The following DACH1 variants were observed in gnomAD, a reference collection of about 807,000 sequenced individuals.
The protein encoded by DACH1 is dachshund homolog 1.
A neutral mutation model predicts 54.2 loss-of-function variants in DACH1; 12 were observed. That is an observed-to-expected ratio of 0.22 (90% CI 0.14 to 0.36). The LOEUF is 0.36. DACH1 is among the 10% of genes least tolerant of loss of function. The pLI is 1.00. For missense variants in DACH1, 805 were observed against 929.8 expected, an observed-to-expected ratio of 0.87 and a Z score of 1.75; for synonymous variants, 386 against 366.2, an observed-to-expected ratio of 1.05 and a Z score of -0.62.
At chr13:71,714,722 G>A (rs2138786912) in intron 1 of DACH1, among the ~76,000 whole-genome samples, 1 of 152,098 alleles carries the variant, frequency 6.6e-6, no homozygotes, top group East Asian at 1.9e-4. Context: ...GAAAGTGCAG[G>A]TTAAACACTA....
intron 2 of DACH1, among the ~76,000 whole-genome samples, chr13:71,658,964 C>A (rs1281178587): frequency 6.6e-6 from 1 of 152,054 alleles, no homozygotes; most frequent in Admixed American, 6.6e-5. Flanking sequence ...AATATTAGCC[C>A]AATTTTTAAG....
chr13:71,839,414 T>C (rs1277775200), intron 1 of DACH1, among the ~76,000 whole-genome samples: 1 of 152,124 alleles, frequency 6.6e-6, no homozygotes, highest in Non-Finnish European at 1.5e-5. Context: ...AAGATCATCC[T>C]GGCTAATACG....
At position 71,553,985 on chromosome 13, in the gene DACH1, C is replaced by T. The variant is rs946199966; in HGVS notation, c.1570+3039G>A. On this transcript the variant is annotated intron_variant, in intron 6 of 10. Coordinates refer to ENST00000613252, the MANE Select transcript of DACH1 (RefSeq NM_080759.6). ...TCCTTTGAATAATTTAGTTGGCAGG[C>T]AGCAAATTACATATAGGTTCAAGCC... 3.3e-5 allele frequency among the ~76,000 whole-genome samples: 5 copies of T among 151,830 alleles called. No homozygotes were observed. In the East Asian group the frequency reaches 9.6e-4, roughly 29 times the overall value.
At chr13:71,566,849 T>C (rs1884921802) in intron 4 of DACH1, among the ~76,000 whole-genome samples, 1 of 152,120 alleles carries the variant, frequency 6.6e-6, no homozygotes, top group Admixed American at 6.5e-5. Context: ...CTAAAAGCTC[T>C]GCATACACTT....
chr13:71,553,147 T>C (rs1883999093), intron 6 of DACH1, among the ~76,000 whole-genome samples: 1 of 113,742 alleles, frequency 8.8e-6, no homozygotes, highest in East Asian at 2.6e-4. Context: ...CATATATCCA[T>C]ATATGTATAT....
chr13:71,637,263 T>C (rs1260240943), intron 2 of DACH1, among the ~76,000 whole-genome samples: 1 of 152,088 alleles, frequency 6.6e-6, no homozygotes, highest in Non-Finnish European at 1.5e-5. Context: ...AGGTGTGTTG[T>C]GAAGAATGAA....
In DACH1 at chr13:71,668,456, A is replaced by T. The variant is rs184118818; in HGVS notation, c.964+13339T>A. 2.0e-5 allele frequency among the ~76,000 whole-genome samples: 3 copies of T among 152,280 alleles called. No homozygotes were observed. In the East Asian group the frequency reaches 5.8e-4, roughly 29 times the overall value. On this transcript the variant is annotated intron_variant, in intron 2 of 10. Coordinates refer to ENST00000613252, the MANE Select transcript of DACH1 (RefSeq NM_080759.6). The stretch of plus-strand genomic sequence containing the variant: ...ATGGAAATGTGTTTTATCTGAATAG[A>T]ATGATATTCAATCAAAAAGTCATGT...
At position 71,633,564 on chromosome 13, in the gene DACH1, T is replaced by A. The variant is rs539002362; in HGVS notation, c.965-2847A>T. ...ATGACAGCTTTTCCCAGTTTTACAT[T>A]TCTAATACAAAGTCCAAAAGATATA... On this transcript the variant is annotated intron_variant, in intron 2 of 10. Coordinates refer to ENST00000613252, the MANE Select transcript of DACH1 (RefSeq NM_080759.6). 1.2e-4 allele frequency among the ~76,000 whole-genome samples: 19 copies of A among 152,052 alleles called. 1 individual carries two copies. Among genetic ancestry groups the A allele is most frequent in the Admixed American group, 1.0e-3 (16 of 15,252 alleles).
chr13:71,449,720 A>T (rs993790119), intron 10 of DACH1, among the ~76,000 whole-genome samples: 19 of 152,132 alleles, frequency 1.2e-4, no homozygotes, highest in Non-Finnish European at 2.1e-4. Context: ...AAATTTTTTT[A>T]AAAAAGGCTG....
At chr13:71,453,763 A>T (rs1268293784) in intron 10 of DACH1, among the ~76,000 whole-genome samples, 1 of 152,176 alleles carries the variant, frequency 6.6e-6, no homozygotes, top group Non-Finnish European at 1.5e-5. Context: ...CTGAGCTGAG[A>T]TTCTGACAGT....
At chr13:71,796,315 T>G (rs548634570) in intron 1 of DACH1, among the ~76,000 whole-genome samples, 1 of 152,280 alleles carries the variant, frequency 6.6e-6, no homozygotes, top group Non-Finnish European at 1.5e-5. Context: ...TAAAAATAGT[T>G]AATGGAATTA....
intron 1 of DACH1, among the ~76,000 whole-genome samples, chr13:71,825,423 T>G (rs1001098217): frequency 6.6e-6 from 1 of 152,108 alleles, no homozygotes; most frequent in Non-Finnish European, 1.5e-5. Flanking sequence ...AATATGTTTG[T>G]TCCCCTTAAA....
intron 1 of DACH1, among the ~76,000 whole-genome samples, chr13:71,828,449 G>A (rs779325486): frequency 9.2e-5 from 14 of 151,964 alleles, no homozygotes; most frequent in African/African-American, 2.9e-4. Context: ...CCGTGCCATC[G>A]ACATCCAAAT....
chr13:71,492,222 A>C (rs1879038698), intron 6 of DACH1, among the ~76,000 whole-genome samples: 1 of 152,150 alleles, frequency 6.6e-6, no homozygotes, highest in Non-Finnish European at 1.5e-5. Flanking sequence ...ATGTTTATTC[A>C]TACTTCCTGA....
chr13:71,615,904 A>G (rs985148545), intron 3 of DACH1, among the ~76,000 whole-genome samples: 2 of 152,136 alleles, frequency 1.3e-5, no homozygotes, highest in South Asian at 4.1e-4. Context: ...TAGTGATTGC[A>G]GTGTATCAAG....
At chr13:71,603,318 C>T (rs901326397) in intron 3 of DACH1, among the ~76,000 whole-genome samples, 4 of 152,038 alleles carry the variant, frequency 2.6e-5, no homozygotes, top group East Asian at 3.9e-4. Flanking sequence ...TAAAAACAAT[C>T]GCAACTATCC....
intron 6 of DACH1, among the ~76,000 whole-genome samples, chr13:71,504,741 G>C (rs1880180418): frequency 6.6e-6 from 1 of 152,126 alleles, no homozygotes; most frequent in African/African-American, 2.4e-5. Flanking sequence ...TATGTAACCA[G>C]TGACTTTTTA....
At chr13:71,530,541 T>C (rs1310842904) in intron 6 of DACH1, among the ~76,000 whole-genome samples, 1 of 152,172 alleles carries the variant, frequency 6.6e-6, no homozygotes, top group African/African-American at 2.4e-5. Context: ...GAACCCATAG[T>C]GGAAGAAGTG....
chr13:71,577,221 C>T (rs575154969), intron 3 of DACH1, among the ~76,000 whole-genome samples: 4 of 152,246 alleles, frequency 2.6e-5, no homozygotes, highest in Non-Finnish European at 5.9e-5. Context: ...CAGTTCTTTA[C>T]CACCACCTCC....
Sources: gnomAD v4.1 joint callset for allele counts (sites outside exome capture counted in the v4.1 genomes callset) on GRCh38, gnomAD v4.1.1 for gene constraint, MANE v1.5 for transcripts, NCBI Gene and HGNC (gene_info 2026-07-23, HGNC 2026-07-21) for gene names.